The following ZNF518A variants were observed in gnomAD, a reference collection of about 807,000 sequenced individuals.
ZNF518A encodes zinc finger protein 518A.
A neutral mutation model predicts 102.7 loss-of-function variants in ZNF518A; 47 were observed. The observed-to-expected ratio is 0.46, with a 90% CI of 0.36 to 0.58. The LOEUF is 0.58. Among genes scored for constraint, ZNF518A ranks in the 20% least tolerant of loss-of-function variants. The pLI is 0.00. For synonymous variants in ZNF518A, 652 were observed against 594.6 expected (o/e 1.10, Z -1.40); for missense variants, 1,793 against 1,699.8 (o/e 1.05, Z -0.96).
intron 3 of ZNF518A, among the ~76,000 whole-genome samples, chr10:96,137,089 C>CT (rs34378787): frequency 1.3e-5 from 2 of 152,208 alleles, no homozygotes; most frequent in Non-Finnish European, 2.9e-5. Flanking sequence ...TCCACAAACT[C>CT]TCTCAGTCAC....
Position 96,163,490 on chromosome 10 carries a change from T to C in ZNF518A, c.*2716T>C, listed in dbSNP as rs1006484123. ...CCACTGAAATGGGTTTCTTACTATT[T>C]GGCAAGTACTTAAAAAACATAATTC... On this transcript the variant is annotated 3_prime_UTR_variant, in exon 6 of 6. Coordinates refer to ENST00000316045, the MANE Select transcript of ZNF518A (RefSeq NM_001330736.2). The C allele has an allele frequency of 6.0e-6, 1 of 167,112 alleles. No individual in the cohort carries two copies. The highest frequency in any genetic ancestry group is 2.4e-5 in the African/African-American group (1 of 41,466). 10.4% of individuals were successfully genotyped at this position (167,112 alleles called of 1,614,324 possible). A position where few individuals can be genotyped will look rare whatever the true frequency, so the allele number is the denominator to read the frequency against.
intron 2 of ZNF518A, among the ~76,000 whole-genome samples, chr10:96,133,124 A>G (rs1034506846): frequency 6.6e-6 from 1 of 152,192 alleles, no homozygotes; most frequent in Non-Finnish European, 1.5e-5. Context: ...TTTATTACTT[A>G]ACATTTTATT....
intron 1 of ZNF518A, among the ~76,000 whole-genome samples, chr10:96,197,407 C>T (rs1056908372): frequency 3.9e-5 from 6 of 152,112 alleles, no homozygotes; most frequent in Non-Finnish European, 8.8e-5. Flanking sequence ...TGAGTTCAAG[C>T]GATCCTCCCA....
At chr10:96,202,055 G>T (rs12779295) in intron 1 of ZNF518A, among the ~76,000 whole-genome samples, 2 of 152,040 alleles carry the variant, frequency 1.3e-5, no homozygotes, top group Non-Finnish European at 2.9e-5. Context: ...GCAAGGCCTG[G>T]CATATCTAAG....
rs782294689 is a variant in ZNF518A, at chr10:96,160,274, A to G, written c.3952A>G (p.Arg1318Gly). The change falls in exon 6 of 6, where the codon AGG (arginine) becomes GGG (glycine). Residue 1318 changes from arginine (R) to glycine (G), a missense_variant. Around this residue, in one of 3 missense-constraint regions of ZNF518A, gnomAD observed 1,741 missense variants for 1,622.6 expected, o/e 1.07. Coordinates refer to ENST00000316045, the MANE Select transcript of ZNF518A (RefSeq NM_001330736.2). Reference sequence around the variant, plus strand: ...TGAAACATTTGGATTTAGCAGACCTAGGCTTTCAAAAGATTCCATCAGAAC... The same window carrying G: ...TGAAACATTTGGATTTAGCAGACCTGGGCTTTCAAAAGATTCCATCAGAAC... ...VRETFGFSRP[R>G]LSKDSIRTLR... The G allele has an allele frequency of 1.1e-5, 17 of 1,613,526 alleles. No individual in the cohort carries two copies. The highest frequency in any genetic ancestry group is 4.0e-5 in the African/African-American group (3 of 74,910).
At chr10:96,174,739 C>CAGATAGATAGATAGATAGATAGAT (rs57745529) in intron 1 of ZNF518A, among the ~76,000 whole-genome samples, 4 of 151,004 alleles carry the variant, frequency 2.6e-5, no homozygotes, top group Admixed American at 6.6e-5. Flanking sequence ...AAAAAAATTA[C>CAGATAGATAGATAGATAGATAGAT]AGATAGATAG....
At chr10:96,152,666 A>T (rs10786265) in intron 3 of ZNF518A, among the ~76,000 whole-genome samples, 4,693 of 152,280 alleles carry the variant, frequency 0.031, 240 homozygotes, top group East Asian at 0.17. Context: ...CTAGATGGTA[A>T]ACCTGTTACA....
chr10:96,186,813 A>G (rs2083274487), intron 1 of ZNF518A, among the ~76,000 whole-genome samples: 1 of 152,256 alleles, frequency 6.6e-6, no homozygotes, highest in South Asian at 2.1e-4. Context: ...CTTACACCAA[A>G]TAACTTGCGC....
chr10:96,199,771 G>C (rs931493169), intron 1 of ZNF518A, among the ~76,000 whole-genome samples: 5 of 152,166 alleles, frequency 3.3e-5, no homozygotes, highest in Non-Finnish European at 7.4e-5. Context: ...TGTAATCCCA[G>C]CACTTTGGGA....
In ZNF518A at chr10:96,160,977, G is replaced by A; in HGVS notation, c.*203G>A. 2.0e-6 allele frequency: 1 copy of A among 512,096 alleles called. No individual in the cohort carries two copies. Among genetic ancestry groups the A allele is most frequent in the Non-Finnish European group, 3.3e-6 (1 of 305,834 alleles). 31.7% of individuals were successfully genotyped at this position (512,096 alleles called of 1,614,324 possible). A position where few individuals can be genotyped will look rare whatever the true frequency, so the allele number is the denominator to read the frequency against. ...ATCCCTGCACTCAAAAGTTTTGAAA[G>A]AAACTAATCACAGCACAGAAGTACC... On this transcript the variant is annotated 3_prime_UTR_variant, in exon 6 of 6. Coordinates refer to ENST00000316045, the MANE Select transcript of ZNF518A (RefSeq NM_001330736.2).
Position 96,157,234 on chromosome 10 carries a change from G to T in ZNF518A, c.912G>T (p.Met304Ile), listed in dbSNP as rs1364858739. ...AAAAAGACAAATATGAAAAAAGAATGGCAAAGACTTCTGCAGGACTTAAGC... is the reference window on the plus strand; with the variant it reads ...AAAAAGACAAATATGAAAAAAGAATTGCAAAGACTTCTGCAGGACTTAAGC... ...KLEKDKYEKR[M>I]AKTSAGLKLI... The change falls in exon 6 of 6, where the codon ATG (methionine) becomes ATT (isoleucine). Residue 304 changes from methionine (M) to isoleucine (I), a missense_variant. Met to Ile is a conservative substitution (Grantham distance 10). This residue lies in a region of ZNF518A where 1,741 missense variants were observed against 1,622.6 expected (regional missense o/e 1.07). Coordinates refer to ENST00000316045, the MANE Select transcript of ZNF518A (RefSeq NM_001330736.2). 1 of 1,609,384 alleles carries T rather than the reference G, an allele frequency of 6.2e-7. No individual in the cohort carries two copies.
At position 96,157,587 on chromosome 10, in the gene ZNF518A, C is replaced by G. The variant is rs1554883605; in HGVS notation, c.1265C>G (p.Pro422Arg). 2.5e-6 allele frequency: 4 copies of G among 1,613,684 alleles called. No individual in the cohort carries two copies. The Admixed American group carries it at 6.7e-5, about 27-fold the overall frequency. ...SGFMKTAVLGPTLKNVMMKNN... is the reference protein window; with the variant it reads ...SGFMKTAVLGRTLKNVMMKNN... ...TTCATGAAGACTGCTGTACTAGGACCTACACTGAAAAATGTAATGATGAAA... is the reference window on the plus strand; with the variant it reads ...TTCATGAAGACTGCTGTACTAGGACGTACACTGAAAAATGTAATGATGAAA... Residue 422 changes from proline to arginine, a missense_variant, in exon 6 of 6, where the codon CCT becomes CGT. Pro to Arg is a moderately radical substitution (Grantham distance 103). Transcript: ENST00000316045.
At chr10:96,176,055 G>T (rs776001325) in intron 1 of ZNF518A, among the ~76,000 whole-genome samples, 2 of 152,010 alleles carry the variant, frequency 1.3e-5, no homozygotes, top group Non-Finnish European at 2.9e-5. Context: ...CCTGCCTCCT[G>T]AGTAGCTAGG....
upstream of ZNF518A, chr10:96,129,728 A>T (rs1325190533): frequency 1.3e-5 from 2 of 152,266 alleles, no homozygotes; most frequent in African/African-American, 4.8e-5. Flanking sequence ...GACCATTCCC[A>T]GTCAGCAAGG....
chr10:96,158,144 A>C lies in ZNF518A; in HGVS notation c.1822A>C (p.Asn608His), dbSNP rs376846613. The change falls in exon 6 of 6, where the codon AAT becomes CAT. Residue 608 changes from asparagine (N) to histidine (H), a missense_variant. By Grantham distance (68) the Asn-to-His change is moderately conservative (BLOSUM62 1). Coordinates refer to ENST00000316045, the MANE Select transcript of ZNF518A (RefSeq NM_001330736.2). ...PDKVNCVAKP[N>H]AYNSGDMHNY... The stretch of plus-strand genomic sequence containing the variant: ...TAAAGTCAACTGTGTTGCCAAACCA[A>C]ATGCATACAACAGTGGAGATATGCA... 1.4e-5 allele frequency: 22 copies of C among 1,613,448 alleles called. No individual in the cohort carries two copies. The highest frequency in any genetic ancestry group is 1.8e-5 in the Non-Finnish European group (21 of 1,179,674).
Position 96,161,398 on chromosome 10 carries a change from T to G in ZNF518A, c.*624T>G, listed in dbSNP as rs782303406. 6.0e-6 allele frequency: 1 copy of G among 166,940 alleles called. No individual in the cohort carries two copies. Among genetic ancestry groups the G allele is most frequent in the Non-Finnish European group, 1.5e-5 (1 of 68,066 alleles). The allele number at this position is 166,940 out of a possible 1,614,324, so 10.3% of individuals were successfully genotyped here. Reference sequence around the variant, plus strand: ...TTTTCCAGTTGAACTCTGTCACTTGTTAGAGATTGGGAACACTCTCCCAAG... The same window carrying G: ...TTTTCCAGTTGAACTCTGTCACTTGGTAGAGATTGGGAACACTCTCCCAAG... On this transcript the variant is annotated 3_prime_UTR_variant, in exon 6 of 6. Transcript: ENST00000316045.
intron 1 of ZNF518A, among the ~76,000 whole-genome samples, chr10:96,175,256 C>T (rs2083196184): frequency 1.3e-5 from 2 of 152,114 alleles, no homozygotes; most frequent in African/African-American, 4.8e-5. Context: ...TAAATCAAGC[C>T]TGGGGACATA....
intron 3 of ZNF518A, among the ~76,000 whole-genome samples, chr10:96,145,882 G>T (rs1367342937): frequency 9.2e-5 from 14 of 152,212 alleles, no homozygotes; most frequent in Admixed American, 9.2e-4. Flanking sequence ...CAAATGTAAG[G>T]TGTTTGCTTG....
intron 3 of ZNF518A, among the ~76,000 whole-genome samples, chr10:96,148,450 A>T (rs587750300): frequency 1.3e-5 from 2 of 152,310 alleles, no homozygotes; most frequent in Non-Finnish European, 2.9e-5. Context: ...CAAAAAAAAA[A>T]ATGTTTTGTC....
Sources: gnomAD v4.1 joint callset for allele counts (sites outside exome capture counted in the v4.1 genomes callset) on GRCh38, gnomAD v4.1.1 for gene constraint, gnomAD v4.1.1 regional missense constraint, MANE v1.5 for transcripts, NCBI Gene and HGNC (gene_info 2026-07-23, HGNC 2026-07-21) for gene names.